Variants in MYOT observed in about 807,000 individuals in gnomAD.
MYOT encodes the protein 57 kDa cytoskeletal protein.
In MYOT, 36 loss-of-function variants were observed where a neutral mutation model predicts 58.0. The observed-to-expected ratio is 0.62, with a 90% CI of 0.48 to 0.82. The LOEUF is 0.82. Among genes scored for constraint, MYOT ranks in the 40% least tolerant of loss-of-function variants. The probability of loss-of-function intolerance (pLI) is 0.00; values close to 1 mark genes in which losing one functional copy is unlikely to be tolerated. For missense variants in MYOT, 505 were observed against 592.1 expected (o/e 0.85, Z 1.53); for synonymous variants, 218 against 204.6 (o/e 1.07, Z -0.56).
chr5:137,877,330 T>C (rs1755260198), intron 3 of MYOT, among the ~76,000 whole-genome samples, 190 bp from the exon 4 acceptor site: 1 of 133,754 alleles, frequency 7.5e-6, no homozygotes, highest in African/African-American at 2.9e-5. Context: ...ATTGTGCCAC[T>C]GCACTCCAGC....
Position 137,886,065 on chromosome 5 carries a change from G to C in MYOT, c.1042G>C (p.Ala348Pro), listed in dbSNP as rs1362486590. Reference sequence around the variant, plus strand: ...ATATATAGCAAAAGAACATAAAAGAGCACCAATGTTTATCTACAAACCACA... The same window carrying C: ...ATATATAGCAAAAGAACATAAAAGACCACCAATGTTTATCTACAAACCACA... ...LDVLAKEHKR[A>P]PMFIYKPQSK... The change falls in exon 8 of 10, where the codon GCA becomes CCA. Residue 348 changes from alanine to proline, a missense_variant. Physicochemically the swap from Ala to Pro is conservative, Grantham distance 27. Coordinates refer to ENST00000239926, the MANE Select transcript of MYOT (RefSeq NM_006790.3). 3 of 1,597,852 alleles carry C rather than the reference G, an allele frequency of 1.9e-6. No individual in the cohort carries two copies. The highest frequency in any genetic ancestry group is 1.7e-5 in the Admixed American group (1 of 59,922).
At chr5:137,871,523 T>A (rs1180516304) in intron 2 of MYOT, among the ~76,000 whole-genome samples, 12 of 152,154 alleles carry the variant, frequency 7.9e-5, no homozygotes, top group Non-Finnish European at 8.8e-5. Context: ...AATTTTTAAA[T>A]TAACAAATAA....
At chr5:137,883,320 A>C in intron 6 of MYOT, 64 bp from the exon 7 acceptor site, 2 of 1,364,372 alleles carry the variant, frequency 1.5e-6, no homozygotes, top group Non-Finnish European at 2.1e-6. Context: ...TCATATATGG[A>C]CAAATAGGTT....
intron 2 of MYOT, 72 bp from the exon 3 acceptor site, chr5:137,875,757 A>T: frequency 1.4e-6 from 2 of 1,430,328 alleles, no homozygotes; most frequent in Non-Finnish European, 2.0e-6. Flanking sequence ...TAAACTCAAC[A>T]TATCTAAAGG....
intron 1 of MYOT, among the ~76,000 whole-genome samples, chr5:137,869,196 G>A (rs1754963356): frequency 6.6e-6 from 1 of 152,066 alleles, no homozygotes; most frequent in Non-Finnish European, 1.5e-5. Context: ...AAACAATTTG[G>A]TTAATTTTTC....
At chr5:137,870,348 G>A (rs1755007719) in intron 1 of MYOT, 93 bp from the exon 2 acceptor site, 49 of 434,928 alleles carry the variant, frequency 1.1e-4, no homozygotes, top group South Asian at 1.1e-3. Context: ...AGGAAAGAAA[G>A]GAAAAGAAAA....
intron 3 of MYOT, chr5:137,876,344 G>T: frequency 3.0e-6 from 1 of 332,660 alleles, no homozygotes; most frequent in Non-Finnish European, 5.6e-6. Context: ...AACACTGACA[G>T]GTAATTATTG....
chr5:137,872,931 T>C (rs1251254171), intron 2 of MYOT, among the ~76,000 whole-genome samples: 2 of 152,182 alleles, frequency 1.3e-5, no homozygotes, highest in East Asian at 1.9e-4. Context: ...TAATTAATGA[T>C]AGAGAAAGGA....
chr5:137,881,055 T>C (rs556333322), intron 5 of MYOT, among the ~76,000 whole-genome samples, 190 bp downstream of exon 5: 2 of 152,312 alleles, frequency 1.3e-5, no homozygotes, highest in Non-Finnish European at 1.5e-5. Context: ...GGGGAATTTT[T>C]TAATGTTTTG....
At chr5:137,880,940 TA>T in intron 5 of MYOT, 75 bp downstream of exon 5, 1 of 1,115,148 alleles carries the variant, frequency 9.0e-7, no homozygotes, top group Non-Finnish European at 1.3e-6. Context: ...GTAATATTTA[TA>T]AAGCCCTCGA....
intron 8 of MYOT, 100 bp from the exon 9 acceptor site, chr5:137,886,764 T>G: frequency 1.1e-6 from 1 of 913,014 alleles, no homozygotes; most frequent in Non-Finnish European, 1.7e-6. Context: ...GCTTTGGAAT[T>G]TTCAAATGTT....
chr5:137,878,045 G>T (rs1441843050), intron 4 of MYOT, among the ~76,000 whole-genome samples: 2 of 151,940 alleles, frequency 1.3e-5, no homozygotes, highest in African/African-American at 4.8e-5. Flanking sequence ...TATACTTGTG[G>T]TACTAATGAA....
rs143481336 is a variant in MYOT at position 137,869,114 on chromosome 5, T to C, written c.-212+1161T>C. Among the ~76,000 whole-genome samples, 631 of 152,284 alleles carry C rather than the reference T, an allele frequency of 4.1e-3. 2 individuals carry two copies. The highest frequency in any genetic ancestry group is 0.017 in the Middle Eastern group (5 of 294). ...TTATTTAGGATGAAACTCTTTGGTC[T>C]GGAAAAGTTTTATTAACATTTTATC... On this transcript the variant is annotated intron_variant, in intron 1 of 9. Coordinates refer to ENST00000239926, the MANE Select transcript of MYOT (RefSeq NM_006790.3).
In MYOT at chr5:137,887,373, T is replaced by C. The variant is rs1237257657; in HGVS notation, c.1485T>C (p.Ser495=). 1.2e-6 allele frequency: 2 copies of C among 1,613,772 alleles called. No homozygotes were observed. Among genetic ancestry groups the C allele is most frequent in the African/African-American group, 1.3e-5 (1 of 74,892 alleles). ...RLAAQSGLYE[S]EEL ...CAGCTCAATCTGGACTCTATGAAAG[T>C]GAAGAACTTTAATAACTTTACCAAC... is the stretch of plus-strand genomic sequence containing the variant. Residue 495 remains serine, a synonymous_variant, in exon 10 of 10, where the codon AGT becomes AGC. Coordinates refer to ENST00000239926, the MANE Select transcript of MYOT (RefSeq NM_006790.3).
intron 1 of MYOT, among the ~76,000 whole-genome samples, chr5:137,869,778 A>C (rs1754982524): frequency 6.6e-6 from 1 of 152,196 alleles, no homozygotes; most frequent in Admixed American, 6.5e-5. Flanking sequence ...ACAACTAGGA[A>C]GTATAATCTA....
chr5:137,875,292 T>C (rs921823016), intron 2 of MYOT, among the ~76,000 whole-genome samples: 1 of 152,108 alleles, frequency 6.6e-6, no homozygotes, highest in Non-Finnish European at 1.5e-5. Flanking sequence ...AGCTAAACAT[T>C]GGGTACATAT....
At chr5:137,868,719 C>A (rs1004607344) in intron 1 of MYOT, among the ~76,000 whole-genome samples, 4 of 152,102 alleles carry the variant, frequency 2.6e-5, no homozygotes, top group African/African-American at 9.7e-5. Flanking sequence ...AATGTACCTG[C>A]CCAGAAAGAA....
At chr5:137,882,130 G>A (rs369543608) in intron 6 of MYOT, 25 bp downstream of exon 6, 180 of 1,613,152 alleles carry the variant, frequency 1.1e-4, no homozygotes, top group Non-Finnish European at 1.5e-4. Flanking sequence ...CAAAAGTACT[G>A]GGGGAAAATT....
chr5:137,870,529 G>A lies in MYOT; in HGVS notation c.-123G>A. 1 of 861,828 alleles carries A rather than the reference G, an allele frequency of 1.2e-6. No homozygotes were observed. The highest frequency in any genetic ancestry group is 1.7e-5 in the Admixed American group (1 of 58,174). 53.4% of individuals were successfully genotyped at this position (861,828 alleles called of 1,614,324 possible). A position where few individuals can be genotyped will look rare whatever the true frequency, so the allele number is the denominator to read the frequency against. On this transcript the variant is annotated 5_prime_UTR_variant, in exon 2 of 10. Coordinates refer to ENST00000239926, the MANE Select transcript of MYOT (RefSeq NM_006790.3). ...CAACAAGGAAGAGCAGACCAAGGTT[G>A]CTTCTGATTCCTTACAACCTTCCGT...
Sources: gnomAD v4.1 joint callset for allele counts (sites outside exome capture counted in the v4.1 genomes callset) on GRCh38, gnomAD v4.1.1 for gene constraint, MANE v1.5 for transcripts, NCBI Gene and HGNC (gene_info 2026-07-23, HGNC 2026-07-21) for gene names.